The following N4BP2L2 variants were observed in gnomAD, a reference collection of about 807,000 sequenced individuals.
N4BP2L2 encodes the protein NEDD4-binding protein 2-like 2.
A neutral mutation model predicts 56.2 loss-of-function variants in N4BP2L2; 50 were observed. The ratio of observed to expected loss-of-function variants is 0.89; its 90% CI spans 0.71 to 1.13. The LOEUF is 1.13. Ranked by LOEUF, N4BP2L2 falls within the 50% of genes most tolerant of loss-of-function variation. The pLI, the probability that N4BP2L2 is intolerant of heterozygous loss-of-function variation, is 0.00. For missense variants in N4BP2L2, 689 were observed against 693.8 expected (o/e 0.99, Z 0.08); for synonymous variants, 203 against 223.6 (o/e 0.91, Z 0.82).
intron 6 of N4BP2L2, among the ~76,000 whole-genome samples, chr13:32,499,758 C>A (rs2089593794): frequency 6.6e-6 from 1 of 152,170 alleles, no homozygotes; most frequent in African/African-American, 2.4e-5. Flanking sequence ...TGACCAAGGA[C>A]AATCCAGATA....
intron 9 of N4BP2L2, among the ~76,000 whole-genome samples, chr13:32,434,248 C>CTTTCTTTTTTTTTT (rs2075195483): frequency 8.9e-6 from 1 of 112,038 alleles, no homozygotes; most frequent in African/African-American, 3.7e-5. Flanking sequence ...AGCTAATTTT[C>CTTTCTTTTTTTTTT]TTTTTTTCTT....
At chr13:32,483,089 A>G (rs373613156) in intron 6 of N4BP2L2, among the ~76,000 whole-genome samples, 25 of 152,358 alleles carry the variant, frequency 1.6e-4, no homozygotes, top group African/African-American at 6.0e-4. Context: ...TATTTGGTCC[A>G]TTAGTTTACT....
chr13:32,441,794 A>C (rs2076400344), intron 7 of N4BP2L2, among the ~76,000 whole-genome samples: 1 of 150,448 alleles, frequency 6.6e-6, no homozygotes. Context: ...CTGTAATCCC[A>C]GCACTTTGGG....
At chr13:32,446,797 T>C (rs535621618) in intron 6 of N4BP2L2, among the ~76,000 whole-genome samples, 1 of 152,360 alleles carries the variant, frequency 6.6e-6, no homozygotes, top group South Asian at 2.1e-4. Context: ...ATGTTACACT[T>C]ATTATGTATT....
intron 6 of N4BP2L2, among the ~76,000 whole-genome samples, chr13:32,496,362 G>C (rs1011415305): frequency 6.6e-6 from 1 of 151,974 alleles, no homozygotes; most frequent in African/African-American, 2.4e-5. Context: ...ATGTATTTAA[G>C]ACCACCGCCT....
intron 3 of N4BP2L2, among the ~76,000 whole-genome samples, chr13:32,525,930 T>C (rs1049920905): frequency 7.0e-6 from 1 of 143,156 alleles, no homozygotes. Context: ...ATAAGGTTAA[T>C]AGGGAACTTG....
chr13:32,516,977 A>G (rs1452306811), exon 6 of N4BP2L2: 26 of 975,458 alleles, frequency 2.7e-5, no homozygotes, highest in Non-Finnish European at 3.0e-5. Context: ...GCTCTACAGA[A>G]AAATTAGTAC....
intron 3 of N4BP2L2, chr13:32,527,190 C>T (rs756228567): frequency 8.3e-6 from 4 of 479,754 alleles, no homozygotes; most frequent in Non-Finnish European, 1.5e-5. Flanking sequence ...GTTTACAAAG[C>T]GTTTTATCTA....
chr13:32,440,987 T>C (rs2076242134), intron 7 of N4BP2L2, among the ~76,000 whole-genome samples: 1 of 151,586 alleles, frequency 6.6e-6, no homozygotes, highest in South Asian at 2.1e-4. Flanking sequence ...CCTAAGTAGC[T>C]AGGATTACAG....
At chr13:32,467,166 G>T (rs1478816329) in intron 6 of N4BP2L2, among the ~76,000 whole-genome samples, 1 of 152,044 alleles carries the variant, frequency 6.6e-6, no homozygotes, top group African/African-American at 2.4e-5. Context: ...ATCTGCTAGA[G>T]ATAACGTGAA....
At chr13:32,507,310 A>T (rs2091113780), downstream of N4BP2L2, 1 of 152,092 alleles carries the variant, frequency 6.6e-6, no homozygotes, top group African/African-American at 2.4e-5. Flanking sequence ...AAATATACAG[A>T]CTGGAGTTCA....
chr13:32,497,979 C>G (rs1325443021), intron 6 of N4BP2L2, among the ~76,000 whole-genome samples: 2 of 152,048 alleles, frequency 1.3e-5, no homozygotes, highest in African/African-American at 4.8e-5. Flanking sequence ...AGAAATTAGA[C>G]ACAGTAATTT....
rs755314992 is a variant in N4BP2L2 at position 32,492,445 on chromosome 13, T to A, written c.365+25412A>T. 3.9e-4 allele frequency among the ~76,000 whole-genome samples: 60 copies of A among 152,120 alleles called. 2 individuals carry two copies. Among genetic ancestry groups the A allele is most frequent in the Non-Finnish European group, 2.4e-4 (16 of 67,966 alleles). ...CTACAGGCACCCCAGACAAATTTTT[T>A]AAAAATCATTTTTCCTATGTAGCAA... On this transcript the variant is annotated intron_variant, in intron 6 of 9. Coordinates refer to the N4BP2L2 transcript ENST00000357505.
intron 6 of N4BP2L2, among the ~76,000 whole-genome samples, chr13:32,464,089 G>C (rs543337152): frequency 2.1e-4 from 32 of 152,122 alleles, no homozygotes; most frequent in Non-Finnish European, 2.9e-5. Flanking sequence ...TGCTTTGTAA[G>C]TCTTTTTTCC....
At chr13:32,450,135 C>G (rs1478476686) in intron 6 of N4BP2L2, among the ~76,000 whole-genome samples, 2 of 152,118 alleles carry the variant, frequency 1.3e-5, no homozygotes, top group Non-Finnish European at 2.9e-5. Context: ...TAGAAATTAA[C>G]TAGGCCATAA....
At chr13:32,489,643 AACT>A (rs1229217255) in intron 6 of N4BP2L2, among the ~76,000 whole-genome samples, 1 of 152,172 alleles carries the variant, frequency 6.6e-6, no homozygotes, top group Non-Finnish European at 1.5e-5. Flanking sequence ...TACGCATATA[AACT>A]ACGATTAAGA....
intron 6 of N4BP2L2, among the ~76,000 whole-genome samples, chr13:32,486,690 A>AATG (rs2085941019): frequency 6.6e-6 from 1 of 151,356 alleles, no homozygotes; most frequent in South Asian, 2.1e-4. Flanking sequence ...TAATAATAAT[A>AATG]ATAATAACAT....
exon 6 of N4BP2L2, chr13:32,511,026 G>A (rs930501952): frequency 6.6e-6 from 1 of 151,662 alleles, no homozygotes; most frequent in African/African-American, 2.4e-5. Flanking sequence ...CAGGGTTACA[G>A]TAGATACATG....
intron 2 of N4BP2L2, among the ~76,000 whole-genome samples, chr13:32,531,072 A>T (rs2054644433): frequency 1.3e-5 from 2 of 152,078 alleles, no homozygotes; most frequent in South Asian, 4.1e-4. Context: ...CTCACAAGGA[A>T]CTCAGTCCTG....
Sources: gnomAD v4.1 joint callset for allele counts (sites outside exome capture counted in the v4.1 genomes callset) on GRCh38, gnomAD v4.1.1 for gene constraint, MANE v1.5 for transcripts, NCBI Gene and HGNC (gene_info 2026-07-23, HGNC 2026-07-21) for gene names.